ACBD3: variants seen among roughly 807,000 people sequenced by gnomAD.
The protein encoded by ACBD3 is Golgi resident protein GCP60.
In ACBD3, 30 loss-of-function variants were observed where a neutral mutation model predicts 66.9. That is an observed-to-expected ratio of 0.45 (90% CI 0.34 to 0.61). The LOEUF (loss-of-function observed/expected upper bound fraction) is 0.61, where lower values mean the gene tolerates loss of function less well. Ranked by LOEUF, ACBD3 falls within the 20% of genes least tolerant of loss-of-function variation. The pLI, the probability that ACBD3 is intolerant of heterozygous loss-of-function variation, is 0.02. For synonymous variants in ACBD3, 278 were observed against 259.8 expected, an observed-to-expected ratio of 1.07 and a Z score of -0.68; for missense variants, 544 against 664.5, an observed-to-expected ratio of 0.82 and a Z score of 1.99.
chr1:226,163,600 T>C (rs967045773), intron 3 of ACBD3, among the ~76,000 whole-genome samples: 4 of 152,232 alleles, frequency 2.6e-5, no homozygotes, highest in African/African-American at 9.6e-5. Context: ...GTTCCATCTC[T>C]TGATAACTCA....
chr1:226,163,553 T>G (rs10799337), intron 3 of ACBD3, among the ~76,000 whole-genome samples: 62,117 of 151,952 alleles, frequency 0.41, 12,835 homozygotes, highest in Admixed American at 0.44. Context: ...ATCAAGCAAT[T>G]TCCTATTATC....
intron 2 of ACBD3, 59 bp downstream of exon 2, chr1:226,165,800 A>G (rs893774757): frequency 6.4e-7 from 1 of 1,569,474 alleles, no homozygotes; most frequent in African/African-American, 1.4e-5. Flanking sequence ...ACCAATACAC[A>G]TTGTACCCTT....
rs1220526930 is a variant in ACBD3 at position 226,161,687 on chromosome 1, T to A, written c.572A>T (p.Lys191Met). The A allele has an allele frequency of 6.3e-7, 1 of 1,587,206 alleles. No individual in the cohort carries two copies. Among genetic ancestry groups the A allele is most frequent in the East Asian group, 2.3e-5 (1 of 43,112 alleles). Reference sequence around the variant, plus strand: ...ACGCCGCCTTCGCTCCTCTTCCTCCTTCCTACAAGGCAAAGATAGAGAATG... The same window carrying A: ...ACGCCGCCTTCGCTCCTCTTCCTCCATCCTACAAGGCAAAGATAGAGAATG... ...IEKEEQEKKR[K>M]EEEERRRREE... Residue 191 changes from lysine (K) to methionine (M), a missense_variant and splice_region_variant, in exon 4 of 8, where the codon AAG becomes ATG. Coordinates refer to ENST00000366812, the MANE Select transcript of ACBD3 (RefSeq NM_022735.4).
In ACBD3 at chr1:226,186,679, C is replaced by A; in HGVS notation, c.-4G>T. 6.7e-7 allele frequency: 1 copy of A among 1,496,560 alleles called. No homozygotes were observed. 92.7% of individuals were successfully genotyped at this position (1,496,560 alleles called of 1,614,324 possible). A position where few individuals can be genotyped will look rare whatever the true frequency, so the allele number is the denominator to read the frequency against. Reference sequence around the variant, plus strand: ...CTGCGTTCAGCACCGCCGCCATCTCCGGCTGCTGCACCTCCTCAGCGGGGA... The same window carrying A: ...CTGCGTTCAGCACCGCCGCCATCTCAGGCTGCTGCACCTCCTCAGCGGGGA... On this transcript the variant is annotated 5_prime_UTR_variant, in exon 1 of 8. Transcript: ENST00000366812.
chr1:226,180,846 A>C (rs1656154177), intron 1 of ACBD3, among the ~76,000 whole-genome samples: 1 of 152,090 alleles, frequency 6.6e-6, no homozygotes, highest in Admixed American at 6.6e-5. Context: ...TAAAAATACA[A>C]AAATTAGCTG....
Position 226,186,732 on chromosome 1 carries a change from G to A in ACBD3, c.-57C>T. 3 of 1,419,620 alleles carry A rather than the reference G, an allele frequency of 2.1e-6. No individual in the cohort carries two copies. Among genetic ancestry groups the A allele is most frequent in the Non-Finnish European group, 2.8e-6 (3 of 1,087,788 alleles). 87.9% of individuals were successfully genotyped at this position (1,419,620 alleles called of 1,614,324 possible). A position where few individuals can be genotyped will look rare whatever the true frequency, so the allele number is the denominator to read the frequency against. ...GACGGCAGCCACGTATCGACTTCCT[G>A]CTGACCTCTGACCTCCGCTTACCGA... is the stretch of plus-strand genomic sequence containing the variant. On this transcript the variant is annotated 5_prime_UTR_variant, in exon 1 of 8. Coordinates refer to ENST00000366812, the MANE Select transcript of ACBD3 (RefSeq NM_022735.4).
Position 226,186,651 on chromosome 1 carries a change from G to C in ACBD3, c.25C>G (p.Arg9Gly), listed in dbSNP as rs773031939. The change falls in exon 1 of 8, where the codon CGA becomes GGA. Residue 9 changes from arginine to glycine, a missense_variant. This residue lies in a region of ACBD3 where 137 missense variants were observed against 145.9 expected (regional missense o/e 0.94). Transcript: ENST00000366812. MAAVLNAERLEVSVDGLTL... is the reference protein window; with the variant it reads MAAVLNAEGLEVSVDGLTL... The stretch of plus-strand genomic sequence containing the variant: ...AGGCCGTCGACGGACACCTCGAGTC[G>C]CTCTGCGTTCAGCACCGCCGCCATC... 7.3e-6 allele frequency: 11 copies of C among 1,510,758 alleles called. No individual in the cohort carries two copies. The highest frequency in any genetic ancestry group is 2.0e-5 in the Admixed American group (1 of 49,530). 93.6% of individuals were successfully genotyped at this position (1,510,758 alleles called of 1,614,324 possible). A position where few individuals can be genotyped will look rare whatever the true frequency, so the allele number is the denominator to read the frequency against.
At chr1:226,168,839 AAC>A (rs1659923706) in intron 1 of ACBD3, among the ~76,000 whole-genome samples, 2 of 152,222 alleles carry the variant, frequency 1.3e-5, no homozygotes, top group Admixed American at 6.5e-5. Context: ...TTATTAGAGA[AAC>A]ACAGCCCAGA....
intron 1 of ACBD3, among the ~76,000 whole-genome samples, chr1:226,182,355 G>A (rs781696829): frequency 2.0e-5 from 3 of 152,124 alleles, no homozygotes; most frequent in South Asian, 2.1e-4. Flanking sequence ...GGTGGTTCAC[G>A]CCTGTAATCC....
chr1:226,146,674 A>C lies in ACBD3; in HGVS notation c.1523T>G (p.Phe508Cys), dbSNP rs755120458. Reference protein sequence around the residue: ...YPGRGVYLLKFDNSYSLWRSK... With the variant: ...YPGRGVYLLKCDNSYSLWRSK... ...CCGCCACAAAGAGTAGGAGTTGTCA[A>C]ACTTGAGGAGATAGACTCCTCTCCC... The change falls in exon 8 of 8, where the codon TTT (phenylalanine) becomes TGT (cysteine). Residue 508 changes from phenylalanine (F) to cysteine (C), a missense_variant. By Grantham distance (205) the Phe-to-Cys change is radical. Coordinates refer to ENST00000366812, the MANE Select transcript of ACBD3 (RefSeq NM_022735.4). The C allele has an allele frequency of 6.2e-7, 1 of 1,613,978 alleles. No homozygotes were observed. Among genetic ancestry groups the C allele is most frequent in the East Asian group, 2.2e-5 (1 of 44,882 alleles).
intron 3 of ACBD3, among the ~76,000 whole-genome samples, chr1:226,163,940 G>T (rs918736145): frequency 6.6e-6 from 1 of 151,900 alleles, no homozygotes; most frequent in Non-Finnish European, 1.5e-5. Context: ...GGCCAACATA[G>T]TAAAACCTCA....
chr1:226,172,201 C>CAAAAAAAAAA (rs1558129702), intron 1 of ACBD3, among the ~76,000 whole-genome samples: 8 of 107,096 alleles, frequency 7.5e-5, no homozygotes, highest in East Asian at 6.7e-4. Context: ...TAGTCCTGGT[C>CAAAAAAAAAA]AGGCAAACAG....
chr1:226,167,264 A>C (rs1030831476), intron 1 of ACBD3, among the ~76,000 whole-genome samples: 1 of 152,324 alleles, frequency 6.6e-6, no homozygotes, highest in Middle Eastern at 3.4e-3. Flanking sequence ...AGGTAGTATA[A>C]TGTGGTGGAA....
At chr1:226,154,209 T>C (rs766791211) in intron 6 of ACBD3, among the ~76,000 whole-genome samples, 17 of 152,092 alleles carry the variant, frequency 1.1e-4, no homozygotes, top group Non-Finnish European at 5.9e-5. Context: ...AATTTAGGTG[T>C]AATTAATTTT....
chr1:226,159,857 G>A (rs75703407), intron 4 of ACBD3, among the ~76,000 whole-genome samples: 1,688 of 152,190 alleles, frequency 0.011, 59 homozygotes, highest in Admixed American at 0.066. Flanking sequence ...ACATAGATGA[G>A]GTATTTAACT....
At chr1:226,172,048 G>A (rs1394460194) in intron 1 of ACBD3, among the ~76,000 whole-genome samples, 1 of 149,616 alleles carries the variant, frequency 6.7e-6, no homozygotes, top group Non-Finnish European at 1.5e-5. Flanking sequence ...CCAGCTACTT[G>A]GGACGCTAAA....
intron 4 of ACBD3, 31 bp downstream of exon 4, chr1:226,161,500 T>G: frequency 6.2e-7 from 1 of 1,605,536 alleles, no homozygotes; most frequent in Non-Finnish European, 8.5e-7. Context: ...CCATTTCTCA[T>G]TTTAAAACAT....
chr1:226,150,550 T>C (rs1045783260), intron 7 of ACBD3, among the ~76,000 whole-genome samples: 3 of 152,182 alleles, frequency 2.0e-5, no homozygotes, highest in African/African-American at 7.2e-5. Flanking sequence ...GGCTAATTTT[T>C]ATATTTTTAG....
intron 1 of ACBD3, among the ~76,000 whole-genome samples, chr1:226,171,980 C>G (rs1660002318): frequency 6.6e-6 from 1 of 151,282 alleles, no homozygotes; most frequent in African/African-American, 2.4e-5. Flanking sequence ...ACATGAGAAA[C>G]CCCGTCTCTA....
Sources: gnomAD v4.1 joint callset for allele counts (sites outside exome capture counted in the v4.1 genomes callset) on GRCh38, gnomAD v4.1.1 for gene constraint, gnomAD v4.1.1 regional missense constraint, MANE v1.5 for transcripts, NCBI Gene and HGNC (gene_info 2026-07-23, HGNC 2026-07-21) for gene names.